The following JADE3 variants were observed in gnomAD, a reference collection of about 807,000 sequenced individuals.
The protein encoded by JADE3 is jade family PHD finger 3.
Under a neutral mutation model 50.1 loss-of-function variants are expected in JADE3, and 2 were observed. The ratio of observed to expected loss-of-function variants is 0.04; its 90% CI spans 0.02 to 0.13. The LOEUF (loss-of-function observed/expected upper bound fraction) is 0.13. JADE3 is among the 10% of genes least tolerant of loss of function. The pLI is 1.00. For missense variants in JADE3, 475 were observed against 634.4 expected (o/e 0.75, Z 2.70); for synonymous variants, 218 against 232.9 (o/e 0.94, Z 0.58).
At chrX:46,927,175 G>T (rs1335943004) in intron 1 of JADE3, among the ~76,000 whole-genome samples, 2 of 111,796 alleles carry the variant, frequency 1.8e-5, no homozygotes, top group Non-Finnish European at 3.8e-5. Context: ...ACCTCTTTGT[G>T]CCTCAGTTTC....
At chrX:47,014,704 A>G (rs782663061) in intron 4 of JADE3, among the ~76,000 whole-genome samples, 11 of 111,923 alleles carry the variant, frequency 9.8e-5, no homozygotes, top group African/African-American at 3.6e-4. Context: ...AAGACCTCTT[A>G]TATGTTACTG....
chrX:46,992,303 C>T (rs1556356177), intron 3 of JADE3, among the ~76,000 whole-genome samples: 1 of 108,892 alleles, frequency 9.2e-6, no homozygotes, highest in African/African-American at 3.4e-5. Context: ...CCGGCCCTGC[C>T]CCCACCCCAG....
intron 1 of JADE3, among the ~76,000 whole-genome samples, chrX:46,938,142 C>A (rs782275495): frequency 4.5e-5 from 5 of 111,688 alleles, no homozygotes; most frequent in Non-Finnish European, 7.5e-5. Flanking sequence ...TTCTAAAAAT[C>A]TGTCTTTAAA....
At chrX:46,932,161 G>A (rs910421707) in intron 1 of JADE3, among the ~76,000 whole-genome samples, 4 of 112,204 alleles carry the variant, frequency 3.6e-5, no homozygotes, top group Non-Finnish European at 5.6e-5. Flanking sequence ...GTTACTTAAA[G>A]CAAAAGGATG....
chrX:46,924,389 G>A (rs1320952450), intron 1 of JADE3, among the ~76,000 whole-genome samples: 1 of 112,367 alleles, frequency 8.9e-6, no homozygotes, highest in Non-Finnish European at 1.9e-5. Flanking sequence ...GCGGGTATGA[G>A]TATTTCCATA....
intron 1 of JADE3, among the ~76,000 whole-genome samples, chrX:46,949,709 T>C (rs1303280403): frequency 8.9e-6 from 1 of 111,860 alleles, no homozygotes; most frequent in African/African-American, 3.3e-5. Context: ...GAAAGTATCA[T>C]TGTGTCTCTT....
At chrX:46,937,735 C>T (rs1185799360) in intron 1 of JADE3, among the ~76,000 whole-genome samples, 3 of 112,103 alleles carry the variant, frequency 2.7e-5, no homozygotes, top group African/African-American at 6.5e-5. Context: ...AATCCCAGCA[C>T]TTTGGGAGGC....
At chrX:46,941,904 A>ATTT (rs782732065) in intron 1 of JADE3, among the ~76,000 whole-genome samples, 2 of 92,319 alleles carry the variant, frequency 2.2e-5, no homozygotes, top group Admixed American at 1.2e-4. Context: ...TGCCTGGCTA[A>ATTT]TTTTTTTTTT....
At chrX:46,985,836 A>T (rs185408099) in intron 3 of JADE3, 44 bp downstream of exon 3, 1 of 905,705 alleles carries the variant, frequency 1.1e-6, no homozygotes, top group Non-Finnish European at 1.6e-6. Flanking sequence ...TATAGTTTGG[A>T]TGCTTGTCTT....
intron 9 of JADE3, among the ~76,000 whole-genome samples, chrX:47,054,880 C>T (rs1435954666): frequency 8.9e-6 from 1 of 111,892 alleles, no homozygotes; most frequent in Non-Finnish European, 1.9e-5. Context: ...ATTTGGTTTA[C>T]TTTTTATTCA....
intron 8 of JADE3, among the ~76,000 whole-genome samples, chrX:47,044,007 G>A (rs953102422): frequency 4.5e-5 from 5 of 110,354 alleles, no homozygotes; most frequent in Non-Finnish European, 1.9e-5. Flanking sequence ...GAAAAAGAAT[G>A]AAGCATGCCT....
intron 1 of JADE3, among the ~76,000 whole-genome samples, chrX:46,962,780 G>A (rs1367551664): frequency 9.0e-6 from 1 of 110,645 alleles, no homozygotes; most frequent in South Asian, 3.8e-4. Flanking sequence ...TTGCTGATAT[G>A]CAAACATTTT....
At chrX:46,985,429 A>G (rs1927840187) in intron 2 of JADE3, among the ~76,000 whole-genome samples, 1 of 112,087 alleles carries the variant, frequency 8.9e-6, no homozygotes, top group Admixed American at 9.5e-5. Context: ...TGGAATATGA[A>G]TTGTGTTATT....
At chrX:46,995,116 G>A (rs1044538606) in intron 3 of JADE3, among the ~76,000 whole-genome samples, 2 of 105,147 alleles carry the variant, frequency 1.9e-5, no homozygotes, top group Non-Finnish European at 3.9e-5. Context: ...TGCAAGCTCC[G>A]CCTCCTGGGT....
At chrX:46,934,985 G>A (rs1556340616) in intron 1 of JADE3, among the ~76,000 whole-genome samples, 1 of 111,575 alleles carries the variant, frequency 9.0e-6, no homozygotes, top group Non-Finnish European at 1.9e-5. Flanking sequence ...AGGCTGGCGT[G>A]TACAGTGGTG....
intron 8 of JADE3, among the ~76,000 whole-genome samples, chrX:47,047,595 T>C (rs1271717779): frequency 9.1e-6 from 1 of 109,663 alleles, no homozygotes; most frequent in Non-Finnish European, 1.9e-5. Context: ...TACCATTTCA[T>C]ACCTACTAGG....
intron 4 of JADE3, among the ~76,000 whole-genome samples, chrX:47,012,184 T>C (rs2147143952): frequency 8.9e-6 from 1 of 112,201 alleles, no homozygotes; most frequent in East Asian, 2.8e-4. Flanking sequence ...TCTTTACATA[T>C]TCTGGATACA....
chrX:46,964,524 A>G (rs1466486341), intron 1 of JADE3, among the ~76,000 whole-genome samples: 2 of 111,818 alleles, frequency 1.8e-5, no homozygotes, highest in Non-Finnish European at 3.8e-5. Context: ...ATGAGTGAAG[A>G]CGTCTCCAGA....
intron 4 of JADE3, among the ~76,000 whole-genome samples, chrX:47,018,342 T>A (rs1277438505): frequency 9.1e-6 from 1 of 110,037 alleles, no homozygotes; most frequent in Non-Finnish European, 1.9e-5. Context: ...GCACTTTCTT[T>A]TTTTTTTTTG....
Sources: gnomAD v4.1 joint callset for allele counts (sites outside exome capture counted in the v4.1 genomes callset) on GRCh38, gnomAD v4.1.1 for gene constraint, MANE v1.5 for transcripts, NCBI Gene and HGNC (gene_info 2026-07-23, HGNC 2026-07-21) for gene names.